ADAM19: variants seen among roughly 807,000 people sequenced by gnomAD.
The protein encoded by ADAM19 is disintegrin and metalloproteinase domain-containing protein 19.
ADAM19 carries 65 observed loss-of-function variants against 114.7 expected under a neutral mutation model. The observed-to-expected ratio is 0.57, with a 90% CI of 0.46 to 0.70. ADAM19 has a LOEUF of 0.70. Among genes scored for constraint, ADAM19 ranks in the 30% least tolerant of loss-of-function variants. The pLI is 0.00. For synonymous variants in ADAM19, 466 were observed against 460.5 expected, an observed-to-expected ratio of 1.01 and a Z score of -0.15; for missense variants, 1,063 against 1,204.7, an observed-to-expected ratio of 0.88 and a Z score of 1.74.
Position 157,564,428 on chromosome 5 carries a change from C to T in ADAM19, c.196G>A (p.Glu66Lys), listed in dbSNP as rs376533708. Residue 66 changes from glutamate (E) to lysine (K), a missense_variant, in exon 3 of 23, where the codon GAG becomes AAG. By Grantham distance (56) the Glu-to-Lys change is moderately conservative. Coordinates refer to ENST00000257527, the MANE Select transcript of ADAM19 (RefSeq NM_033274.5). ...CGCCCCTCAGCCATTACCCTGAGCT[C>T]AGCTTTGAGTGGATGCTAAAAGCAA... ...PVREKHPLKA[E>K]LRVMAEGREL... is the part of the protein sequence containing the mutation. 17 of 1,614,224 alleles carry T rather than the reference C, an allele frequency of 1.1e-5. No homozygotes were observed. The highest frequency in any genetic ancestry group is 1.4e-5 in the Non-Finnish European group (17 of 1,180,042).
chr5:157,538,014 T>C (rs762559905), intron 3 of ADAM19, 23 bp from the exon 4 acceptor site: 3 of 1,592,272 alleles, frequency 1.9e-6, no homozygotes, highest in Non-Finnish European at 2.6e-6. Context: ...AAAAGAGACA[T>C]TTATATCATA....
At chr5:157,548,035 T>C (rs1008842728) in intron 3 of ADAM19, among the ~76,000 whole-genome samples, 1 of 152,214 alleles carries the variant, frequency 6.6e-6, no homozygotes, top group Admixed American at 6.5e-5. Flanking sequence ...ATAGAGAACT[T>C]TTCATTTTCA....
At chr5:157,560,669 T>C (rs545468674) in intron 3 of ADAM19, among the ~76,000 whole-genome samples, 74 of 152,364 alleles carry the variant, frequency 4.9e-4, no homozygotes, top group Middle Eastern at 3.4e-3. Context: ...AGCTTCTGTG[T>C]GACTGTGTCT....
intron 9 of ADAM19, among the ~76,000 whole-genome samples, chr5:157,508,356 C>A (rs1292655997): frequency 6.6e-6 from 1 of 152,226 alleles, no homozygotes; most frequent in Non-Finnish European, 1.5e-5. Context: ...CGCCTATAAT[C>A]CCAGCATTTT....
In ADAM19 at chr5:157,513,614, G is replaced by A; in HGVS notation, c.667-109C>T. On this transcript the variant is annotated intron_variant, in intron 7 of 22. Coordinates refer to ENST00000257527, the MANE Select transcript of ADAM19 (RefSeq NM_033274.5). ...GCTCTTATTTTCTTCTGTCTTCTAT[G>A]AGCCATCATTTTTATGCAATTGTCT... 1.1e-5 allele frequency: 11 copies of A among 1,001,764 alleles called. No individual in the cohort carries two copies. The South Asian group carries it at 1.4e-4, about 12-fold the overall frequency. 62.1% of individuals were successfully genotyped at this position (1,001,764 alleles called of 1,614,324 possible). A position where few individuals can be genotyped will look rare whatever the true frequency, so the allele number is the denominator to read the frequency against.
At chr5:157,548,849 G>C (rs918669827) in intron 3 of ADAM19, among the ~76,000 whole-genome samples, 1 of 152,184 alleles carries the variant, frequency 6.6e-6, no homozygotes, top group African/African-American at 2.4e-5. Context: ...AATTTCCAGA[G>C]AGCCTAGATG....
At chr5:157,551,170 C>T (rs549121618) in intron 3 of ADAM19, among the ~76,000 whole-genome samples, 3 of 151,874 alleles carry the variant, frequency 2.0e-5, no homozygotes, top group East Asian at 1.9e-4. Flanking sequence ...TTTGGGAAGC[C>T]GAGGCAGGCG....
At chr5:157,571,122 C>G in intron 1 of ADAM19, 142 bp from the exon 2 acceptor site, 1 of 635,162 alleles carries the variant, frequency 1.6e-6, no homozygotes, top group Non-Finnish European at 2.8e-6. Flanking sequence ...TTCCTAGGAA[C>G]TAGGCACTCT....
intron 3 of ADAM19, among the ~76,000 whole-genome samples, chr5:157,541,112 G>A (rs766494878): frequency 6.6e-5 from 10 of 152,276 alleles, no homozygotes; most frequent in Non-Finnish European, 7.4e-5. Context: ...ACCAAAGGAC[G>A]CTGCTGTCCC....
In ADAM19 at chr5:157,564,308, A is replaced by G. The variant is rs758554285; in HGVS notation, c.251+65T>C. 125 of 1,460,394 alleles carry G rather than the reference A, an allele frequency of 8.6e-5. No homozygotes were observed. In the Middle Eastern group the frequency reaches 3.3e-3, roughly 38 times the overall value. 90.5% of individuals were successfully genotyped at this position (1,460,394 alleles called of 1,614,324 possible). A position where few individuals can be genotyped will look rare whatever the true frequency, so the allele number is the denominator to read the frequency against. ...GACTGCTTCCTTCCAGAACAGCGAC[A>G]CCTGCGTCCGGCGTTGACACAGAAG... On this transcript the variant is annotated intron_variant, in intron 3 of 22. Coordinates refer to ENST00000257527, the MANE Select transcript of ADAM19 (RefSeq NM_033274.5).
chr5:157,513,995 G>A (rs895086042), intron 7 of ADAM19, among the ~76,000 whole-genome samples: 2 of 152,228 alleles, frequency 1.3e-5, no homozygotes, highest in South Asian at 2.1e-4. Context: ...TTAGCACTAT[G>A]TAGGACACAA....
At chr5:157,550,806 T>A (rs1376223562) in intron 3 of ADAM19, among the ~76,000 whole-genome samples, 1 of 152,156 alleles carries the variant, frequency 6.6e-6, no homozygotes, top group East Asian at 1.9e-4. Flanking sequence ...GATATAAACT[T>A]GCAGAGGAGC....
intron 12 of ADAM19, among the ~76,000 whole-genome samples, chr5:157,502,131 C>G (rs1025765015): frequency 6.6e-6 from 1 of 152,112 alleles, no homozygotes; most frequent in Non-Finnish European, 1.5e-5. Flanking sequence ...TACTTGTTAT[C>G]TACCCCAAAT....
At chr5:157,559,684 T>C (rs1287654601) in intron 3 of ADAM19, among the ~76,000 whole-genome samples, 3 of 151,150 alleles carry the variant, frequency 2.0e-5, no homozygotes, top group Admixed American at 6.6e-5. Flanking sequence ...TCTCAGGACA[T>C]GGGGAAAAGA....
intron 11 of ADAM19, among the ~76,000 whole-genome samples, chr5:157,505,100 C>A (rs1236675505): frequency 7.8e-6 from 1 of 128,940 alleles, no homozygotes; most frequent in Non-Finnish European, 1.6e-5. Flanking sequence ...GCCTGGGCGA[C>A]AGAGCAAGAC....
At chr5:157,564,465 T>C in intron 2 of ADAM19, 22 bp from the exon 3 acceptor site, 1 of 1,613,010 alleles carries the variant, frequency 6.2e-7, no homozygotes, top group South Asian at 1.1e-5. Flanking sequence ...AACAAAACAA[T>C]GTCAGTTCCT....
At position 157,479,017 on chromosome 5, in the gene ADAM19, C is replaced by A. The variant is rs778772999; in HGVS notation, c.*1932G>T. The A allele has an allele frequency of 2.0e-6, 2 of 985,636 alleles. No homozygotes were observed. Among genetic ancestry groups the A allele is most frequent in the Non-Finnish European group, 2.4e-6 (2 of 829,940 alleles). 61.1% of individuals were successfully genotyped at this position (985,636 alleles called of 1,614,324 possible). ...GAGGGGTGAAAGGGGATGTTTTCACCTTTACTTTCCAGGAACCAAGCCTTG... is the reference window on the plus strand; with the variant it reads ...GAGGGGTGAAAGGGGATGTTTTCACATTTACTTTCCAGGAACCAAGCCTTG... On this transcript the variant is annotated 3_prime_UTR_variant, in exon 23 of 23. Transcript: ENST00000257527.
chr5:157,539,411 AT>A (rs1756855144), intron 3 of ADAM19, among the ~76,000 whole-genome samples: 1 of 152,114 alleles, frequency 6.6e-6, no homozygotes, highest in Non-Finnish European at 1.5e-5. Flanking sequence ...AAGAGGTGAC[AT>A]TTCCCAGCAA....
intron 3 of ADAM19, among the ~76,000 whole-genome samples, chr5:157,562,382 A>G (rs184699772): frequency 1.7e-3 from 254 of 152,332 alleles, no homozygotes; most frequent in Middle Eastern, 3.4e-3. Flanking sequence ...TCGGAAAAGC[A>G]GATGCTAGAA....
Sources: allele counts gnomAD v4.1 joint callset (sites outside exome capture counted in the v4.1 genomes callset), GRCh38; gene constraint gnomAD v4.1.1; transcripts MANE v1.5; gene names NCBI Gene and HGNC (gene_info 2026-07-23, HGNC 2026-07-21).